The following ANKRD36 variants were observed in gnomAD, a reference collection of about 807,000 sequenced individuals.
ANKRD36 encodes the protein ankyrin repeat domain-containing protein 36A.
Under a neutral mutation model 278.1 loss-of-function variants are expected in ANKRD36, and 179 were observed. The observed-to-expected ratio is 0.64, with a 90% confidence interval of 0.57 to 0.73. The LOEUF (loss-of-function observed/expected upper bound fraction) is 0.73, where lower values mean the gene tolerates loss of function less well. Ranked by LOEUF, ANKRD36 falls within the 30% of genes least tolerant of loss-of-function variation. The pLI, the probability that ANKRD36 is intolerant of heterozygous loss-of-function variation, is 0.00. For missense variants in ANKRD36, 1,159 were observed against 1,956.7 expected (o/e 0.59, Z 7.69); for synonymous variants, 320 against 641.1 (o/e 0.50, Z 7.57).
intron 66 of ANKRD36, among the ~76,000 whole-genome samples, chr2:97,224,548 C>G (rs1244057326): frequency 6.6e-6 from 1 of 151,734 alleles, no homozygotes; most frequent in African/African-American, 2.4e-5. Flanking sequence ...TTCCCGGGCT[C>G]ACGCCATTCT....
intron 22 of ANKRD36, among the ~76,000 whole-genome samples, chr2:97,178,751 C>T (rs1014905445): frequency 3.3e-5 from 5 of 151,468 alleles, no homozygotes; most frequent in Middle Eastern, 3.4e-3. Context: ...GTGGGTGCAG[C>T]GCACCAGCAT....
chr2:97,200,653 T>C, intron 46 of ANKRD36, 128 bp downstream of exon 46: 1 of 1,433,188 alleles, frequency 7.0e-7, no homozygotes, highest in Non-Finnish European at 9.4e-7. Context: ...TCTTCTTTTC[T>C]AACAAGTTCT....
intron 12 of ANKRD36, among the ~76,000 whole-genome samples, chr2:97,150,631 G>T (rs1047504249): frequency 1.3e-5 from 2 of 152,078 alleles, no homozygotes; most frequent in Non-Finnish European, 2.9e-5. Context: ...GAGTTATGTT[G>T]AGAAAATATG....
intron 6 of ANKRD36, among the ~76,000 whole-genome samples, chr2:97,128,330 T>C (rs1444303459): frequency 1.3e-5 from 2 of 150,836 alleles, no homozygotes; most frequent in African/African-American, 4.9e-5. Context: ...AAAAAAAGAG[T>C]TGGTAAAGGA....
chr2:97,155,926 T>A (rs1206957304), intron 15 of ANKRD36, among the ~76,000 whole-genome samples: 2 of 146,426 alleles, frequency 1.4e-5, no homozygotes, highest in Non-Finnish European at 3.1e-5. Context: ...GGTAACATAA[T>A]ATGCCTAAGA....
chr2:97,117,192 G>A (rs983291444), intron 1 of ANKRD36, among the ~76,000 whole-genome samples: 8 of 151,194 alleles, frequency 5.3e-5, no homozygotes, highest in African/African-American at 1.9e-4. Flanking sequence ...CATTCTGTAA[G>A]TATTGAAAAA....
chr2:97,175,864 G>A lies in ANKRD36; in HGVS notation c.1634-3874G>A, dbSNP rs2153529231. ...GGTTTCAAAGAACATCTTTATTTCT[G>A]CCTTCATTTTGTTATGTACCCAGTA... is the stretch of plus-strand genomic sequence containing the variant. On this transcript the variant is annotated intron_variant, in intron 22 of 75. Transcript: ENST00000420699. Among the ~76,000 whole-genome samples the A allele has an allele frequency of 2.0e-5, 3 of 151,550 alleles. No homozygotes were observed. The South Asian group carries it at 6.3e-4, about 32-fold the overall frequency.
At chr2:97,156,906 C>A (rs889377565) in intron 15 of ANKRD36, among the ~76,000 whole-genome samples, 4 of 151,796 alleles carry the variant, frequency 2.6e-5, no homozygotes, top group African/African-American at 9.7e-5. Context: ...TTTTAATGAT[C>A]ACCATTCTAA....
intron 66 of ANKRD36, among the ~76,000 whole-genome samples, chr2:97,222,122 T>C (rs1356324297): frequency 1.3e-5 from 2 of 152,044 alleles, no homozygotes; most frequent in Non-Finnish European, 2.9e-5. Context: ...GGCTCTGTTC[T>C]GTTCCATTGA....
rs1177172448 is a variant in ANKRD36 at position 97,131,557 on chromosome 2, A to G, written c.799+4423A>G. 2.0e-5 allele frequency among the ~76,000 whole-genome samples: 3 copies of G among 151,734 alleles called. No homozygotes were observed. In the Admixed American group the frequency reaches 2.0e-4, roughly 10 times the overall value. Reference sequence around the variant, plus strand: ...GTCCTATTGGCCCTTAATAAGAAAAACCCACTGTTTGGGAGCCGAAGTGGA... The same window carrying G: ...GTCCTATTGGCCCTTAATAAGAAAAGCCCACTGTTTGGGAGCCGAAGTGGA... On this transcript the variant is annotated intron_variant, in intron 6 of 75. Transcript: ENST00000420699.
Position 97,175,649 on chromosome 2 carries a change from T to C in ANKRD36, c.1634-4089T>C, listed in dbSNP as rs1023913431. Reference sequence around the variant, plus strand: ...TTCAGTTCTGCTCTGATTTCAGTTATTTCTTGCCTTCTGCTAGCTTTTGAA... The same window carrying C: ...TTCAGTTCTGCTCTGATTTCAGTTACTTCTTGCCTTCTGCTAGCTTTTGAA... On this transcript the variant is annotated intron_variant, in intron 22 of 75. Transcript: ENST00000420699. Among the ~76,000 whole-genome samples the C allele has an allele frequency of 2.0e-5, 3 of 151,660 alleles. No individual in the cohort carries two copies. In the Admixed American group the frequency reaches 2.0e-4, roughly 10 times the overall value.
intron 67 of ANKRD36, among the ~76,000 whole-genome samples, chr2:97,230,023 G>A (rs1469510533): frequency 1.3e-5 from 2 of 152,110 alleles, no homozygotes; most frequent in Non-Finnish European, 2.9e-5. Context: ...AGTCTGATGG[G>A]CTTCCCTTTG....
intron 6 of ANKRD36, among the ~76,000 whole-genome samples, chr2:97,137,742 A>G (rs982449839): frequency 5.3e-5 from 8 of 152,136 alleles, no homozygotes; most frequent in Non-Finnish European, 1.0e-4. Flanking sequence ...AAGCATTCCT[A>G]TTTCTCCACA....
At chr2:97,231,136 A>T (rs2071865922) in intron 67 of ANKRD36, among the ~76,000 whole-genome samples, 1 of 152,096 alleles carries the variant, frequency 6.6e-6, no homozygotes, top group South Asian at 2.1e-4. Context: ...TCAGATCTCC[A>T]GCTGCATGCT....
chr2:97,132,833 T>G, intron 6 of ANKRD36, among the ~76,000 whole-genome samples: 1 of 152,102 alleles, frequency 6.6e-6, no homozygotes, highest in Admixed American at 6.6e-5. Context: ...GTTACCAGGA[T>G]GTGCTGAATT....
intron 1 of ANKRD36, among the ~76,000 whole-genome samples, chr2:97,117,114 G>A (rs1052976136): frequency 1.3e-5 from 2 of 149,110 alleles, no homozygotes; most frequent in African/African-American, 2.5e-5. Context: ...ACCTTTAACT[G>A]CCATTTCAGA....
chr2:97,181,514 A>G, intron 24 of ANKRD36, 84 bp from the exon 25 acceptor site: 3 of 1,573,416 alleles, frequency 1.9e-6, no homozygotes, highest in Non-Finnish European at 2.6e-6. Flanking sequence ...AGGAAGATAC[A>G]GCTTGATGCT....
chr2:97,226,368 A>G (rs1403636465), intron 67 of ANKRD36, among the ~76,000 whole-genome samples: 2 of 151,774 alleles, frequency 1.3e-5, no homozygotes, highest in African/African-American at 4.8e-5. Context: ...CATTTCTCTG[A>G]TGGCCAGTGA....
intron 75 of ANKRD36, among the ~76,000 whole-genome samples, chr2:97,263,147 AACT>A (rs1375352467): frequency 2.3e-5 from 3 of 132,436 alleles, no homozygotes; most frequent in Non-Finnish European, 4.6e-5. Context: ...AAACTTGTGG[AACT>A]TAATTAGACC....
Sources: allele counts gnomAD v4.1 joint callset (sites outside exome capture counted in the v4.1 genomes callset), GRCh38; gene constraint gnomAD v4.1.1; transcripts MANE v1.5; gene names NCBI Gene and HGNC (gene_info 2026-07-23, HGNC 2026-07-21).